DTNA: variants seen among roughly 807,000 people sequenced by gnomAD.
The protein encoded by DTNA is dystrobrevin alpha.
In DTNA, 43 loss-of-function variants were observed where a neutral mutation model predicts 100.7. That is an observed-to-expected ratio of 0.43 (90% CI 0.33 to 0.55). The LOEUF (loss-of-function observed/expected upper bound fraction) is 0.55. Among genes scored for constraint, DTNA ranks in the 20% least tolerant of loss-of-function variants. DTNA has a pLI of 0.04. For synonymous variants in DTNA, 349 were observed against 347.9 expected (o/e 1.00, Z -0.04); for missense variants, 798 against 953.9 (o/e 0.84, Z 2.15).
intron 1 of DTNA, among the ~76,000 whole-genome samples, chr18:34,553,534 TC>T (rs1264924640): frequency 6.6e-6 from 1 of 152,152 alleles, no homozygotes; most frequent in Admixed American, 6.5e-5. Flanking sequence ...AAGTCTTTAA[TC>T]CATCTTGAAT....
At chr18:34,559,515 A>G (rs1237907685) in intron 1 of DTNA, among the ~76,000 whole-genome samples, 1 of 152,198 alleles carries the variant, frequency 6.6e-6, no homozygotes, top group Non-Finnish European at 1.5e-5. Flanking sequence ...TGTTATGTCT[A>G]ATACTACGAA....
chr18:34,543,803 A>G (rs1234921949), intron 1 of DTNA, among the ~76,000 whole-genome samples: 1 of 152,130 alleles, frequency 6.6e-6, no homozygotes, highest in Non-Finnish European at 1.5e-5. Context: ...AAACAATTGG[A>G]ATTTAATATT....
intron 13 of DTNA, among the ~76,000 whole-genome samples, chr18:34,844,240 A>T (rs558887841): frequency 6.6e-6 from 1 of 152,120 alleles, no homozygotes. Flanking sequence ...TAAGGAAGCC[A>T]TTATTGTGGT....
intron 1 of DTNA, among the ~76,000 whole-genome samples, chr18:34,624,540 A>G (rs560510112): frequency 6.0e-4 from 91 of 152,356 alleles, no homozygotes; most frequent in Non-Finnish European, 1.2e-3. Flanking sequence ...AAATGCCAAT[A>G]TAATTTCAAG....
In DTNA at chr18:34,890,997, G is replaced by T. The variant is rs1292544474; in HGVS notation, c.*3263G>T. On this transcript the variant is annotated 3_prime_UTR_variant, in exon 23 of 23. Coordinates refer to ENST00000444659, the MANE Select transcript of DTNA (RefSeq NM_001386795.1). ...ACCTTTGGTTGCTGCATTCCCCTTGGTTCGATTCCACGCAAGGAGCCACAA... is the reference window on the plus strand; with the variant it reads ...ACCTTTGGTTGCTGCATTCCCCTTGTTTCGATTCCACGCAAGGAGCCACAA... 1 of 152,428 alleles carries T rather than the reference G, an allele frequency of 6.6e-6. No individual in the cohort carries two copies. Among genetic ancestry groups the T allele is most frequent in the East Asian group, 1.9e-4 (1 of 5,182 alleles). 9.4% of individuals were successfully genotyped at this position (152,428 alleles called of 1,614,324 possible).
At chr18:34,654,691 C>T (rs1188721286) in intron 1 of DTNA, among the ~76,000 whole-genome samples, 1 of 152,032 alleles carries the variant, frequency 6.6e-6, no homozygotes, top group Non-Finnish European at 1.5e-5. Context: ...CTATGTTCCA[C>T]TATGTATGTG....
intron 1 of DTNA, among the ~76,000 whole-genome samples, chr18:34,674,022 G>A (rs1211968864): frequency 6.6e-6 from 1 of 152,156 alleles, no homozygotes; most frequent in Non-Finnish European, 1.5e-5. Context: ...GCAATCACTG[G>A]GCTGTGATTT....
chr18:34,882,355 C>G (rs1409334962), intron 21 of DTNA, among the ~76,000 whole-genome samples, 154 bp downstream of exon 21: 2 of 152,024 alleles, frequency 1.3e-5, no homozygotes, highest in African/African-American at 4.8e-5. Flanking sequence ...GTCTTTTAGA[C>G]AGTAAACATT....
chr18:34,794,015 G>A (rs2094863991), intron 3 of DTNA, 22 bp from the exon 4 acceptor site: 5 of 1,611,054 alleles, frequency 3.1e-6, no homozygotes, highest in Non-Finnish European at 4.2e-6. Context: ...GGGCTGATGT[G>A]TTAACTCTGC....
chr18:34,693,591 T>C (rs980887316), intron 1 of DTNA, among the ~76,000 whole-genome samples: 7 of 152,338 alleles, frequency 4.6e-5, no homozygotes, highest in South Asian at 2.1e-4. Flanking sequence ...AGTTGATTTT[T>C]CTTTTAAATA....
chr18:34,794,400 C>G, intron 4 of DTNA, 150 bp downstream of exon 4: 2 of 869,798 alleles, frequency 2.3e-6, no homozygotes, highest in South Asian at 3.4e-5. Context: ...AGTAAAGTCT[C>G]CATGTGTTTA....
At chr18:34,671,909 A>G (rs2076809814) in intron 1 of DTNA, among the ~76,000 whole-genome samples, 1 of 152,238 alleles carries the variant, frequency 6.6e-6, no homozygotes, top group East Asian at 1.9e-4. Context: ...ATGATCACAT[A>G]GTATCAGAGA....
intron 1 of DTNA, among the ~76,000 whole-genome samples, chr18:34,564,721 C>G (rs1402798756): frequency 2.0e-5 from 3 of 152,040 alleles, no homozygotes; most frequent in Admixed American, 2.0e-4. Flanking sequence ...TTAATTAGAC[C>G]ATTTGGCTAT....
At chr18:34,530,417 A>T (rs2043028253) in intron 1 of DTNA, among the ~76,000 whole-genome samples, 1 of 152,052 alleles carries the variant, frequency 6.6e-6, no homozygotes, top group African/African-American at 2.4e-5. Flanking sequence ...TCATTCTGAA[A>T]TCATGAGCTT....
chr18:34,596,796 T>A (rs1220191329), intron 1 of DTNA, among the ~76,000 whole-genome samples: 4 of 152,206 alleles, frequency 2.6e-5, no homozygotes, highest in Non-Finnish European at 5.9e-5. Flanking sequence ...TGCATATGCA[T>A]GCTGATTGAA....
chr18:34,590,049 A>C (rs1257218960), intron 1 of DTNA, among the ~76,000 whole-genome samples: 6 of 152,236 alleles, frequency 3.9e-5, no homozygotes, highest in African/African-American at 1.4e-4. Flanking sequence ...TATTGTGAAT[A>C]ATGCTGCAAT....
At chr18:34,684,893 G>A (rs1231411091) in intron 1 of DTNA, among the ~76,000 whole-genome samples, 2 of 152,176 alleles carry the variant, frequency 1.3e-5, no homozygotes, top group East Asian at 3.9e-4. Context: ...TTTCTCTAAT[G>A]ACCAGTGATG....
intron 1 of DTNA, among the ~76,000 whole-genome samples, chr18:34,517,781 T>G (rs1324841098): frequency 6.6e-6 from 1 of 152,168 alleles, no homozygotes; most frequent in Non-Finnish European, 1.5e-5. Context: ...TGTCCATAGT[T>G]CATTCCTTTT....
chr18:34,545,727 T>C (rs2044710934), intron 1 of DTNA, among the ~76,000 whole-genome samples: 1 of 152,066 alleles, frequency 6.6e-6, no homozygotes, highest in Non-Finnish European at 1.5e-5. Flanking sequence ...TTTTATAAAT[T>C]ATATTTAATT....
Sources: allele counts gnomAD v4.1 joint callset (sites outside exome capture counted in the v4.1 genomes callset), GRCh38; gene constraint gnomAD v4.1.1; transcripts MANE v1.5; gene names NCBI Gene and HGNC (gene_info 2026-07-23, HGNC 2026-07-21).